FBXL17: variants seen among roughly 807,000 people sequenced by gnomAD.
FBXL17 encodes the protein F-box/LRR-repeat protein 17.
Under a neutral mutation model 66.2 loss-of-function variants are expected in FBXL17, and 22 were observed. The ratio of observed to expected loss-of-function variants is 0.33; its 90% confidence interval spans 0.24 to 0.47. The LOEUF is 0.47. FBXL17 is among the 20% of genes least tolerant of loss of function. FBXL17 has a pLI of 1.00. For synonymous variants in FBXL17, 474 were observed against 400.5 expected (o/e 1.18, Z -2.19); for missense variants, 878 against 948.2 (o/e 0.93, Z 0.97).
chr5:107,930,855 T>A (rs970669618), intron 7 of FBXL17, among the ~76,000 whole-genome samples: 16 of 152,248 alleles, frequency 1.1e-4, no homozygotes, highest in Admixed American at 5.9e-4. Context: ...GAAAACTACA[T>A]CAATTTTTTG....
chr5:108,208,848 A>G (rs1401381323), intron 5 of FBXL17, among the ~76,000 whole-genome samples: 3 of 152,160 alleles, frequency 2.0e-5, no homozygotes, highest in African/African-American at 7.2e-5. Flanking sequence ...TTATGTGAAG[A>G]AAGTCAGTGG....
At chr5:108,244,954 T>C (rs1756027183) in intron 4 of FBXL17, among the ~76,000 whole-genome samples, 1 of 152,146 alleles carries the variant, frequency 6.6e-6, no homozygotes, top group African/African-American at 2.4e-5. Flanking sequence ...TGTTAAAGTC[T>C]CTGGAAAGCA....
intron 6 of FBXL17, among the ~76,000 whole-genome samples, chr5:108,154,448 G>T (rs914516737): frequency 2.0e-5 from 3 of 150,918 alleles, no homozygotes; most frequent in Non-Finnish European, 4.4e-5. Flanking sequence ...AAATTAGCTG[G>T]GCGTGGTGGT....
At chr5:108,279,315 C>G (rs1163212244) in intron 4 of FBXL17, among the ~76,000 whole-genome samples, 1 of 152,122 alleles carries the variant, frequency 6.6e-6, no homozygotes, top group Non-Finnish European at 1.5e-5. Context: ...GCTTAGTCCA[C>G]CACCATCACC....
At chr5:108,135,080 T>C (rs1381586940) in intron 6 of FBXL17, among the ~76,000 whole-genome samples, 1 of 152,138 alleles carries the variant, frequency 6.6e-6, no homozygotes, top group Non-Finnish European at 1.5e-5. Flanking sequence ...AGTGGTAGCG[T>C]CAGAATTTCT....
rs1282176381 is a variant in FBXL17, at chr5:108,351,652, C to T, written c.1375-3122G>A. Among the ~76,000 whole-genome samples the T allele has an allele frequency of 3.3e-5, 5 of 152,326 alleles. No homozygotes were observed. In the East Asian group the frequency reaches 5.8e-4, roughly 18 times the overall value. On this transcript the variant is annotated intron_variant, in intron 3 of 8. Transcript: ENST00000542267. ...CATTGTTTGTAAGCAACCTTCTCCA[C>T]CTTAGATTTTCTGAGTGCTAAAGCT... is the stretch of plus-strand genomic sequence containing the variant.
In FBXL17 at chr5:108,106,511, C is replaced by T. The variant is rs142225615; in HGVS notation, c.1745+79606G>A. On this transcript the variant is annotated intron_variant, in intron 6 of 8. Transcript: ENST00000542267. ...TAGCAACAACCAGAATGTCTATCAA[C>T]TAATGAACAGATGTGGTGTATCAGT... Among the ~76,000 whole-genome samples, 191 of 152,210 alleles carry T rather than the reference C, an allele frequency of 1.3e-3. 3 individuals carry two copies. The highest frequency in any genetic ancestry group is 9.9e-3 in the Admixed American group (151 of 15,284).
At chr5:108,002,810 C>G (rs563738662) in intron 7 of FBXL17, among the ~76,000 whole-genome samples, 1 of 152,258 alleles carries the variant, frequency 6.6e-6, no homozygotes, top group East Asian at 1.9e-4. Flanking sequence ...AAGGTATATG[C>G]AGAAGACCAC....
chr5:108,179,064 A>C (rs780633810), intron 6 of FBXL17, among the ~76,000 whole-genome samples: 10 of 152,226 alleles, frequency 6.6e-5, no homozygotes, highest in Non-Finnish European at 1.3e-4. Flanking sequence ...CATTCACAGG[A>C]AGATGGTAGA....
At chr5:108,066,971 C>T (rs1179006427) in intron 6 of FBXL17, among the ~76,000 whole-genome samples, 2 of 151,944 alleles carry the variant, frequency 1.3e-5, no homozygotes, top group Non-Finnish European at 2.9e-5. Flanking sequence ...AAAATACATT[C>T]TACAAATAAA....
intron 7 of FBXL17, among the ~76,000 whole-genome samples, chr5:107,987,990 T>C (rs1028084921): frequency 3.3e-5 from 5 of 152,036 alleles, no homozygotes; most frequent in Admixed American, 2.6e-4. Context: ...AGAGTACTGT[T>C]GGATTTATTT....
intron 6 of FBXL17, among the ~76,000 whole-genome samples, chr5:108,093,639 A>G (rs1749267333): frequency 6.6e-6 from 1 of 152,076 alleles, no homozygotes; most frequent in Non-Finnish European, 1.5e-5. Flanking sequence ...CAAGTTCACA[A>G]TTCTACACTG....
intron 6 of FBXL17, among the ~76,000 whole-genome samples, chr5:108,135,055 G>C (rs796511572): frequency 2.0e-5 from 3 of 152,042 alleles, no homozygotes; most frequent in Non-Finnish European, 2.9e-5. Flanking sequence ...CCTCAAAAAG[G>C]GTAGCAATAT....
intron 4 of FBXL17, among the ~76,000 whole-genome samples, chr5:108,259,076 C>G (rs1756701318): frequency 6.6e-6 from 1 of 151,940 alleles, no homozygotes; most frequent in Non-Finnish European, 1.5e-5. Context: ...CTCCCTTGAA[C>G]AATAAGTCTT....
chr5:108,072,441 C>T (rs951213948), intron 6 of FBXL17, among the ~76,000 whole-genome samples: 2 of 152,212 alleles, frequency 1.3e-5, no homozygotes, highest in African/African-American at 4.8e-5. Flanking sequence ...AGCAGGCTCA[C>T]GCCTGTAATC....
intron 1 of FBXL17, among the ~76,000 whole-genome samples, chr5:108,377,765 T>A (rs1286495585): frequency 6.6e-6 from 1 of 152,208 alleles, no homozygotes; most frequent in Admixed American, 6.5e-5. Flanking sequence ...TTTATGCTTG[T>A]CCTCCTCATT....
chr5:108,353,402 T>C (rs1404201390), intron 3 of FBXL17, among the ~76,000 whole-genome samples: 2 of 152,166 alleles, frequency 1.3e-5, no homozygotes, highest in Non-Finnish European at 2.9e-5. Context: ...AGTCTGATAA[T>C]TAAAAATTCC....
At position 108,381,028 on chromosome 5, in the gene FBXL17, C is replaced by G. The variant is rs1298339899; in HGVS notation, c.664G>C (p.Gly222Arg). Residue 222 changes from glycine (G) to arginine (R), a missense_variant, in exon 1 of 9, where the codon GGC (glycine) becomes CGC (arginine). Around this residue, in one of 4 missense-constraint regions of FBXL17, gnomAD observed 605 missense variants for 509.5 expected, o/e 1.19. Transcript: ENST00000542267. Reference sequence around the variant, plus strand: ...CCCCCGCCACCGCCGCCGCCGCCGCCGCCGCAGCCCCCGCCGCCGCAGCGG... The same window carrying G: ...CCCCCGCCACCGCCGCCGCCGCCGCGGCCGCAGCCCCCGCCGCCGCAGCGG... ...QPRCGGGGCG[G>R]GGGGGGGGGP... 8.4e-7 allele frequency: 1 copy of G among 1,191,810 alleles called. No individual in the cohort carries two copies. The highest frequency in any genetic ancestry group is 1.0e-6 in the Non-Finnish European group (1 of 962,778). The allele number at this position is 1,191,810 out of a possible 1,614,324, so 73.8% of individuals were successfully genotyped here. A position where few individuals can be genotyped will look rare whatever the true frequency, so the allele number is the denominator to read the frequency against.
intron 4 of FBXL17, among the ~76,000 whole-genome samples, chr5:108,275,413 C>T (rs1024405173): frequency 4.6e-5 from 7 of 152,140 alleles, no homozygotes; most frequent in African/African-American, 1.7e-4. Context: ...TTCTAAGTGG[C>T]CTGGTCTATG....
Sources: allele counts gnomAD v4.1 joint callset (sites outside exome capture counted in the v4.1 genomes callset), GRCh38; gene constraint gnomAD v4.1.1; regional missense constraint gnomAD v4.1.1; transcripts MANE v1.5; gene names NCBI Gene and HGNC (gene_info 2026-07-23, HGNC 2026-07-21).